CD5: variants seen among roughly 807,000 people sequenced by gnomAD.
The protein encoded by CD5 is CD5 molecule, also known as T-cell surface glycoprotein CD5.
In CD5, 36 loss-of-function variants were observed where a neutral mutation model predicts 60.3. The observed-to-expected ratio is 0.60, with a 90% CI of 0.46 to 0.79. The LOEUF (loss-of-function observed/expected upper bound fraction) is 0.79. Among genes scored for constraint, CD5 ranks in the 30% least tolerant of loss-of-function variants. CD5 has a pLI of 0.00. For missense variants in CD5, 540 were observed against 630.6 expected (o/e 0.86, Z 1.54); for synonymous variants, 230 against 257.6 (o/e 0.89, Z 1.03).
At position 61,118,987 on chromosome 11, in the gene CD5, T is replaced by C; in HGVS notation, c.463+10T>C. On this transcript the variant is annotated intron_variant, in intron 4 of 10. Transcript: ENST00000347785. The surrounding 1 kb of genome is among the most constrained non-coding windows in gnomAD (Gnocchi z 4.7). ...ACTCCAGAGCCCACAGGTAAGAGGATTCTGAACCCCCCACAGGGAGTCAGA... is the reference window on the plus strand; with the variant it reads ...ACTCCAGAGCCCACAGGTAAGAGGACTCTGAACCCCCCACAGGGAGTCAGA... The C allele has an allele frequency of 2.5e-6, 4 of 1,608,052 alleles. No individual in the cohort carries two copies. Among genetic ancestry groups the C allele is most frequent in the Non-Finnish European group, 2.6e-6 (3 of 1,175,976 alleles).
At chr11:61,107,501 A>C (rs923382734) in intron 1 of CD5, among the ~76,000 whole-genome samples, 7 of 152,202 alleles carry the variant, frequency 4.6e-5, no homozygotes, top group Admixed American at 6.5e-5. Flanking sequence ...TGCTCTTAAC[A>C]CACGCAGTGA....
chr11:61,096,654 G>C, the CD5 span, among the ~76,000 whole-genome samples: 2 of 152,128 alleles, frequency 1.3e-5, no homozygotes, highest in African/African-American at 2.4e-5. Context: ...TACAAAGCAG[G>C]GCTCTTTACA....
In CD5 at chr11:61,102,500, C is replaced by G; in HGVS notation, c.-61C>G. On this transcript the variant is annotated 5_prime_UTR_variant, in exon 1 of 11. Transcript: ENST00000347785. Reference sequence around the variant, plus strand: ...CCCTCTCTGAGAGCGAGATACCCGGCCAGACACCCTCACCTGCGGTGCCCA... The same window carrying G: ...CCCTCTCTGAGAGCGAGATACCCGGGCAGACACCCTCACCTGCGGTGCCCA... 7.5e-7 allele frequency: 1 copy of G among 1,331,646 alleles called. No individual in the cohort carries two copies. The highest frequency in any genetic ancestry group is 1.3e-5 in the South Asian group (1 of 79,154). 82.5% of individuals were successfully genotyped at this position (1,331,646 alleles called of 1,614,324 possible). A position where few individuals can be genotyped will look rare whatever the true frequency, so the allele number is the denominator to read the frequency against.
At chr11:61,111,463 G>C (rs1860854723) in intron 1 of CD5, among the ~76,000 whole-genome samples, 1 of 152,214 alleles carries the variant, frequency 6.6e-6, no homozygotes, top group Admixed American at 6.5e-5. Flanking sequence ...GTATGCAGCA[G>C]GTGCTCAACA....
At chr11:61,111,923 T>C (rs1860860952) in intron 1 of CD5, among the ~76,000 whole-genome samples, 1 of 152,290 alleles carries the variant, frequency 6.6e-6, no homozygotes, top group Non-Finnish European at 1.5e-5. Flanking sequence ...AGAAAGCTAG[T>C]CCCATGCTCA....
In CD5 at chr11:61,125,872, C is replaced by T. The variant is rs764695870; in HGVS notation, c.*2+31C>T. The T allele has an allele frequency of 2.0e-6, 3 of 1,503,068 alleles. No individual in the cohort carries two copies. In the South Asian group the frequency reaches 3.6e-5, roughly 18 times the overall value. The allele number at this position is 1,503,068 out of a possible 1,614,324, so 93.1% of individuals were successfully genotyped here. ...CCCGTCTCCAGCCTGACCCCAGCAC[C>T]CCAGGGTCCCCCACAGTCCTGGGGG... is the stretch of plus-strand genomic sequence containing the variant. On this transcript the variant is annotated intron_variant, in intron 10 of 10. Transcript: ENST00000347785.
intron 1 of CD5, among the ~76,000 whole-genome samples, chr11:61,113,422 C>T (rs548052300): frequency 1.1e-4 from 17 of 152,342 alleles, no homozygotes; most frequent in Non-Finnish European, 2.4e-4. Context: ...GGCAGAGCTT[C>T]CACGTGGTCC....
rs756735922 is a variant in CD5, at chr11:61,119,340, G to A, written c.570G>A (p.Gln190=). 1.2e-6 allele frequency: 2 copies of A among 1,614,140 alleles called. No individual in the cohort carries two copies. The highest frequency in any genetic ancestry group is 3.3e-5 in the Admixed American group (2 of 60,032). The change falls in exon 5 of 11, where the codon CAG becomes CAA. Residue 190 remains glutamine (Q), a synonymous_variant. Coordinates refer to ENST00000347785, the MANE Select transcript of CD5 (RefSeq NM_014207.4). ...SLGGTISYEA[Q]DKTQDLENFL... ...GGGGTACCATCAGCTATGAGGCCCA[G>A]GACAAGACCCAGGACCTGGAGAACT...
intron 8 of CD5, 24 bp from the exon 9 acceptor site, chr11:61,125,008 C>A: frequency 1.9e-6 from 3 of 1,613,826 alleles, no homozygotes; most frequent in Non-Finnish European, 2.5e-6. Flanking sequence ...ACAAGTCTGA[C>A]ACTGTCTCCT....
At chr11:61,106,039 C>T (rs1264530996) in intron 1 of CD5, among the ~76,000 whole-genome samples, 3 of 146,586 alleles carry the variant, frequency 2.0e-5, no homozygotes, top group Non-Finnish European at 3.0e-5. Flanking sequence ...GCAGGAGAAC[C>T]GCTTGAACCT....
intron 1 of CD5, among the ~76,000 whole-genome samples, chr11:61,106,392 G>A (rs1425074730): frequency 6.6e-6 from 1 of 152,138 alleles, no homozygotes. Context: ...AAAGGCAAGG[G>A]GGAAGGACAG....
the CD5 span, among the ~76,000 whole-genome samples, chr11:61,094,095 T>C: frequency 0.4 from 61,335 of 151,552 alleles, 13,791 homozygotes; most frequent in East Asian, 0.92. Context: ...AACGGACAGT[T>C]GAGGCAGCCC....
At position 61,118,589 on chromosome 11, in the gene CD5, G is replaced by T; in HGVS notation, c.400+109G>T. 1 of 1,162,546 alleles carries T rather than the reference G, an allele frequency of 8.6e-7. No homozygotes were observed. The highest frequency in any genetic ancestry group is 1.5e-5 in the African/African-American group (1 of 65,290). 72.0% of individuals were successfully genotyped at this position (1,162,546 alleles called of 1,614,324 possible). On this transcript the variant is annotated intron_variant, in intron 3 of 10. Transcript: ENST00000347785. The surrounding 1 kb of genome is among the most constrained non-coding windows in gnomAD (Gnocchi z 4.7). ...TGAGCAGGCTGGTGGAAGGGGTGGG[G>T]GGACCCCAGTTTATAACCACTCCCC...
intron 10 of CD5, 72 bp downstream of exon 10, chr11:61,125,913 C>T (rs1861143339): frequency 1.1e-6 from 1 of 946,066 alleles, no homozygotes; most frequent in Admixed American, 2.5e-5. Flanking sequence ...AGCAGCCACT[C>T]AATGCCTCCC....
Position 61,121,556 on chromosome 11 carries a change from C to T in CD5, c.806-55C>T, listed in dbSNP as rs538925774. The T allele has an allele frequency of 6.8e-5, 93 of 1,372,426 alleles. No homozygotes were observed. The African/African-American group carries it at 1.3e-3, about 19-fold the overall frequency. 85.0% of individuals were successfully genotyped at this position (1,372,426 alleles called of 1,614,324 possible). A position where few individuals can be genotyped will look rare whatever the true frequency, so the allele number is the denominator to read the frequency against. On this transcript the variant is annotated intron_variant, in intron 5 of 10. Transcript: ENST00000347785. ...AGTGGCATGGGGCCCCAGGAAGCAGCACACAGGCTCAGGTTCACACTTGCA... is the reference window on the plus strand; with the variant it reads ...AGTGGCATGGGGCCCCAGGAAGCAGTACACAGGCTCAGGTTCACACTTGCA...
chr11:61,121,230 T>G (rs1175778125), intron 5 of CD5, among the ~76,000 whole-genome samples: 1 of 152,238 alleles, frequency 6.6e-6, no homozygotes, highest in Non-Finnish European at 1.5e-5. Flanking sequence ...AGCGGGATAA[T>G]GACAAGATGT....
At position 61,127,219 on chromosome 11, in the gene CD5, GACGTACACCTAAT is replaced by G. The variant is rs1861160134; in HGVS notation, c.*935_*947del. On this transcript the variant is annotated 3_prime_UTR_variant, in exon 11 of 11. Transcript: ENST00000347785. Reference sequence around the variant, plus strand: ...ACTCCTCTAGTACTTGGAGATCTTGGACGTACACCTAATCCCATGGGGCCTCGGCTTCCTTAAC... The same window carrying G: ...ACTCCTCTAGTACTTGGAGATCTTGGCCCATGGGGCCTCGGCTTCCTTAAC... 6.6e-6 allele frequency: 1 copy of G among 152,232 alleles called. No homozygotes were observed. Among genetic ancestry groups the G allele is most frequent in the Non-Finnish European group, 1.5e-5 (1 of 68,056 alleles). The allele number at this position is 152,232 out of a possible 1,614,324, so 9.4% of individuals were successfully genotyped here.
At chr11:61,119,202 G>A in intron 4 of CD5, 32 bp from the exon 5 acceptor site, 1 of 1,537,076 alleles carries the variant, frequency 6.5e-7, no homozygotes. Context: ...GGCGCTCAGG[G>A]TGGCTCCCCC....
chr11:61,108,116 C>G (rs903844442), intron 1 of CD5, among the ~76,000 whole-genome samples: 1 of 152,210 alleles, frequency 6.6e-6, no homozygotes, highest in African/African-American at 2.4e-5. Context: ...AGCATGGTCC[C>G]TTCTTCACAG....
Sources: gnomAD v4.1 joint callset for allele counts (sites outside exome capture counted in the v4.1 genomes callset) on GRCh38, gnomAD v4.1.1 for gene constraint, Gnocchi (gnomAD v3.1) non-coding constraint, MANE v1.5 for transcripts, NCBI Gene and HGNC (gene_info 2026-07-23, HGNC 2026-07-21) for gene names.